The following ZNF70 variants were observed in gnomAD, a reference collection of about 807,000 sequenced individuals.
ZNF70 encodes zinc finger protein N27C7-1.
Under a neutral mutation model 37.7 loss-of-function variants are expected in ZNF70, and 18 were observed. The ratio of observed to expected loss-of-function variants is 0.48; its 90% confidence interval spans 0.33 to 0.71. ZNF70 has a LOEUF of 0.71. Ranked by LOEUF, ZNF70 falls within the 30% of genes least tolerant of loss-of-function variation. The probability of loss-of-function intolerance (pLI) is 0.02; values close to 1 mark genes in which losing one functional copy is unlikely to be tolerated. For missense variants in ZNF70, 506 were observed against 568.6 expected, an observed-to-expected ratio of 0.89 and a Z score of 1.12; for synonymous variants, 219 against 220.1, an observed-to-expected ratio of 0.99 and a Z score of 0.05.
Position 23,738,905 on chromosome 22 carries a change from AT to A in ZNF70, c.*4894del, listed in dbSNP as rs1356245518. The A allele has an allele frequency of 6.6e-6, 1 of 152,106 alleles. No homozygotes were observed. The highest frequency in any genetic ancestry group is 2.4e-5 in the African/African-American group (1 of 41,390). 9.4% of individuals were successfully genotyped at this position (152,106 alleles called of 1,614,324 possible). ...ACAGAGGCATTTAAAAATATAGTAA[AT>A]ACTACAGATCCTTGTCCCAGCAAAA... On this transcript the variant is annotated 3_prime_UTR_variant, in exon 2 of 2. Coordinates refer to ENST00000341976, the MANE Select transcript of ZNF70 (RefSeq NM_021916.4).
chr22:23,749,630 C>T (rs1925258323), intron 1 of ZNF70, among the ~76,000 whole-genome samples: 1 of 150,806 alleles, frequency 6.6e-6, no homozygotes, highest in South Asian at 2.1e-4. Flanking sequence ...GATGGGTTTT[C>T]GCCATGTTGT....
intron 1 of ZNF70, among the ~76,000 whole-genome samples, chr22:23,746,351 C>G (rs147877298): frequency 6.6e-6 from 1 of 151,600 alleles, no homozygotes; most frequent in Admixed American, 6.6e-5. Flanking sequence ...GGATTACAAG[C>G]GCCCACCACC....
chr22:23,738,964 C>A lies in ZNF70; in HGVS notation c.*4836G>T, dbSNP rs1358441279. Reference sequence around the variant, plus strand: ...AAGCACATACCCAGCTTTGTTCGATCCCTAGGGGTCTGCAACTCCTAAACC... The same window carrying A: ...AAGCACATACCCAGCTTTGTTCGATACCTAGGGGTCTGCAACTCCTAAACC... On this transcript the variant is annotated 3_prime_UTR_variant, in exon 2 of 2. Coordinates refer to ENST00000341976, the MANE Select transcript of ZNF70 (RefSeq NM_021916.4). The A allele has an allele frequency of 6.6e-6, 1 of 152,140 alleles. No homozygotes were observed. Among genetic ancestry groups the A allele is most frequent in the East Asian group, 1.9e-4 (1 of 5,202 alleles). 9.4% of individuals were successfully genotyped at this position (152,140 alleles called of 1,614,324 possible). A position where few individuals can be genotyped will look rare whatever the true frequency, so the allele number is the denominator to read the frequency against.
intron 1 of ZNF70, 60 bp from the exon 2 acceptor site, chr22:23,745,279 C>T (rs1925083218): frequency 3.7e-6 from 3 of 818,710 alleles, no homozygotes; most frequent in African/African-American, 3.4e-5. Flanking sequence ...TATGTGCCTG[C>T]TTCATATCCT....
intron 1 of ZNF70, among the ~76,000 whole-genome samples, chr22:23,749,348 C>CAAAAAAAAAA (rs757866335): frequency 2.1e-4 from 3 of 14,352 alleles, no homozygotes; most frequent in African/African-American, 2.5e-4. Context: ...GACTCCATCT[C>CAAAAAAAAAA]AAAAAAAAAA....
In ZNF70 at chr22:23,741,950, C is replaced by A. The variant is rs779416553; in HGVS notation, c.*1850G>T. ...TGACATTGGAAGCTGTCGAGGGATG[C>A]ACAAAAACCCAGCATGGGCCAGGTG... is the stretch of plus-strand genomic sequence containing the variant. On this transcript the variant is annotated 3_prime_UTR_variant, in exon 2 of 2. Coordinates refer to ENST00000341976, the MANE Select transcript of ZNF70 (RefSeq NM_021916.4). 6.6e-6 allele frequency: 1 copy of A among 152,328 alleles called. No homozygotes were observed. Among genetic ancestry groups the A allele is most frequent in the Non-Finnish European group, 1.5e-5 (1 of 68,114 alleles). The allele number at this position is 152,328 out of a possible 1,614,324, so 9.4% of individuals were successfully genotyped here. A position where few individuals can be genotyped will look rare whatever the true frequency, so the allele number is the denominator to read the frequency against.
chr22:23,749,348 CAAAAAAAAAAAAAAAAAAAA>C (rs757866335), intron 1 of ZNF70, among the ~76,000 whole-genome samples: 1 of 14,334 alleles, frequency 7.0e-5, no homozygotes, highest in Non-Finnish European at 1.3e-4. Flanking sequence ...GACTCCATCT[CAAAAAAAAAAAAAAAAAAAA>C]AAAAAAAAAA....
Position 23,744,852 on chromosome 22 carries a change from G to A in ZNF70, c.289C>T (p.Gln97Ter). The part of the protein sequence containing the change: ...DDELFGQTFL[Q>*]KSDLSMCQII... The stretch of plus-strand genomic sequence containing the variant: ...TGACACATGCTGAGGTCGGATTTCT[G>A]GAGGAAGGTTTGTCCGAAGAGCTCA... Residue 97 changes from glutamine (Q) to a stop codon, truncating the protein, a stop_gained, in exon 2 of 2, where the codon CAG becomes TAG. Coordinates refer to ENST00000341976, the MANE Select transcript of ZNF70 (RefSeq NM_021916.4). LOFTEE classifies it high-confidence loss of function. 1 of 1,614,186 alleles carries A rather than the reference G, an allele frequency of 6.2e-7. No individual in the cohort carries two copies. Among genetic ancestry groups the A allele is most frequent in the South Asian group, 1.1e-5 (1 of 91,084 alleles).
chr22:23,747,344 G>A (rs570378521), intron 1 of ZNF70, among the ~76,000 whole-genome samples: 14 of 152,246 alleles, frequency 9.2e-5, no homozygotes, highest in African/African-American at 2.6e-4. Flanking sequence ...GAACCCTATC[G>A]TAAACTGTGC....
chr22:23,748,154 A>G (rs1051369857), intron 1 of ZNF70, among the ~76,000 whole-genome samples: 4 of 151,372 alleles, frequency 2.6e-5, no homozygotes. Flanking sequence ...AATTATCCTT[A>G]TACTGCATCT....
intron 1 of ZNF70, among the ~76,000 whole-genome samples, chr22:23,748,447 C>T (rs1442959140): frequency 2.0e-5 from 3 of 152,082 alleles, no homozygotes; most frequent in African/African-American, 7.2e-5. Flanking sequence ...TATTATGTTG[C>T]CCAGGCTGGT....
At position 23,739,518 on chromosome 22, in the gene ZNF70, C is replaced by T. The variant is rs7289678; in HGVS notation, c.*4282G>A. 15,830 of 152,120 alleles carry T rather than the reference C, an allele frequency of 0.1. 991 individuals carry two copies. Among genetic ancestry groups the T allele is most frequent in the East Asian group, 0.33 (1,701 of 5,156 alleles). 9.4% of individuals were successfully genotyped at this position (152,120 alleles called of 1,614,324 possible). On this transcript the variant is annotated 3_prime_UTR_variant, in exon 2 of 2. Coordinates refer to ENST00000341976, the MANE Select transcript of ZNF70 (RefSeq NM_021916.4). The stretch of plus-strand genomic sequence containing the variant: ...AGCCAGGATGGTTTCGATCTCCTGA[C>T]CTCATGATCTGCCCGTCTTGGCCTC...
chr22:23,749,784 C>G (rs1021555566), intron 1 of ZNF70, among the ~76,000 whole-genome samples: 1 of 152,070 alleles, frequency 6.6e-6, no homozygotes, highest in African/African-American at 2.4e-5. Flanking sequence ...CTCACCCTCC[C>G]CCTCCTCTTC....
At position 23,743,882 on chromosome 22, in the gene ZNF70, A is replaced by G; in HGVS notation, c.1259T>C (p.Val420Ala). Reference protein sequence around the residue: ...YKTHTREKPYVCNLCGKSFRG... With the variant: ...YKTHTREKPYACNLCGKSFRG... Reference sequence around the variant, plus strand: ...GAAGGACTTGCCGCACAGATTGCACACGTAGGGCTTCTCTCTGGTGTGGGT... The same window carrying G: ...GAAGGACTTGCCGCACAGATTGCACGCGTAGGGCTTCTCTCTGGTGTGGGT... The change falls in exon 2 of 2, where the codon GTG (valine) becomes GCG (alanine). Residue 420 changes from valine to alanine, a missense_variant. By Grantham distance (64) the Val-to-Ala change is moderately conservative. Coordinates refer to ENST00000341976, the MANE Select transcript of ZNF70 (RefSeq NM_021916.4). The G allele has an allele frequency of 1.2e-6, 2 of 1,614,182 alleles. No individual in the cohort carries two copies. Among genetic ancestry groups the G allele is most frequent in the Non-Finnish European group, 8.5e-7 (1 of 1,180,016 alleles).
At position 23,743,527 on chromosome 22, in the gene ZNF70, C is replaced by T; in HGVS notation, c.*273G>A. ...AATGAAATCCTGTAGGCTTGGGAGT[C>T]AAATGCAAGAAGGAGAAACTGAAGG... On this transcript the variant is annotated 3_prime_UTR_variant, in exon 2 of 2. Coordinates refer to ENST00000341976, the MANE Select transcript of ZNF70 (RefSeq NM_021916.4). 1 of 413,734 alleles carries T rather than the reference C, an allele frequency of 2.4e-6. No homozygotes were observed. The highest frequency in any genetic ancestry group is 5.6e-5 in the South Asian group (1 of 17,706). The allele number at this position is 413,734 out of a possible 1,614,324, so 25.6% of individuals were successfully genotyped here. A position where few individuals can be genotyped will look rare whatever the true frequency, so the allele number is the denominator to read the frequency against.
Position 23,739,666 on chromosome 22 carries a change from T to A in ZNF70, c.*4134A>T, listed in dbSNP as rs1229647018. The A allele has an allele frequency of 6.6e-6, 1 of 151,462 alleles. No homozygotes were observed. Among genetic ancestry groups the A allele is most frequent in the East Asian group, 2.0e-4 (1 of 5,110 alleles). The allele number at this position is 151,462 out of a possible 1,614,324, so 9.4% of individuals were successfully genotyped here. Reference sequence around the variant, plus strand: ...CAGGCTGAAGGGTAGTGGCACAATCTTGGCTCACTGCAACCTCCGCCTCCC... The same window carrying A: ...CAGGCTGAAGGGTAGTGGCACAATCATGGCTCACTGCAACCTCCGCCTCCC... On this transcript the variant is annotated 3_prime_UTR_variant, in exon 2 of 2. Transcript: ENST00000341976.
chr22:23,744,149 G>C lies in ZNF70; in HGVS notation c.992C>G (p.Thr331Ser). Residue 331 changes from threonine (T) to serine (S), a missense_variant, in exon 2 of 2, where the codon ACT becomes AGT. Transcript: ENST00000341976. ...SNLIEHRKTH[T>S]GEKPYKCQKC... ...CTGGCATTTGTAGGGCTTCTCGCCA[G>C]TGTGGGTCTTGCGGTGCTCAATGAG... 1 of 1,614,130 alleles carries C rather than the reference G, an allele frequency of 6.2e-7. No homozygotes were observed. The highest frequency in any genetic ancestry group is 8.5e-7 in the Non-Finnish European group (1 of 1,180,020).
rs1052599466 is a variant in ZNF70, at chr22:23,739,281, A to G, written c.*4519T>C. The G allele has an allele frequency of 3.3e-5, 5 of 149,344 alleles. No individual in the cohort carries two copies. Among genetic ancestry groups the G allele is most frequent in the African/African-American group, 1.3e-4 (5 of 38,836 alleles). The allele number at this position is 149,344 out of a possible 1,614,324, so 9.3% of individuals were successfully genotyped here. ...TTCATCACTTAGAAATTTTTTTTATATATATTTTTTTTGAGACAGAGTCTA... is the reference window on the plus strand; with the variant it reads ...TTCATCACTTAGAAATTTTTTTTATGTATATTTTTTTTGAGACAGAGTCTA... On this transcript the variant is annotated 3_prime_UTR_variant, in exon 2 of 2. Coordinates refer to ENST00000341976, the MANE Select transcript of ZNF70 (RefSeq NM_021916.4).
chr22:23,746,201 CT>C lies in ZNF70; in HGVS notation c.-79-983del, dbSNP rs760293135. On this transcript the variant is annotated intron_variant, in intron 1 of 1. Coordinates refer to ENST00000341976, the MANE Select transcript of ZNF70 (RefSeq NM_021916.4). ...ACATAAGCCTGATTATGGTGGTTCC[CT>C]TTTTTTTTTTTTTTTTTTTTTTGAG... Among the ~76,000 whole-genome samples, 1,011 of 114,146 alleles carry C rather than the reference CT, an allele frequency of 8.9e-3. 8 individuals are homozygous for C. Among genetic ancestry groups the C allele is most frequent in the African/African-American group, 0.025 (782 of 31,602 alleles). 74.9% of individuals were successfully genotyped at this position (114,146 alleles called of 152,430 possible). A position where few individuals can be genotyped will look rare whatever the true frequency, so the allele number is the denominator to read the frequency against.
Sources: allele counts gnomAD v4.1 joint callset (sites outside exome capture counted in the v4.1 genomes callset), GRCh38; gene constraint gnomAD v4.1.1; transcripts MANE v1.5; gene names NCBI Gene and HGNC (gene_info 2026-07-23, HGNC 2026-07-21).